Variants in MARK4 observed in about 807,000 individuals in gnomAD.
MARK4 encodes the protein MAP/microtubule affinity-regulating kinase 4.
Under a neutral mutation model 81.5 loss-of-function variants are expected in MARK4, and 19 were observed. That is an observed-to-expected ratio of 0.23 (90% CI 0.16 to 0.34). The LOEUF (loss-of-function observed/expected upper bound fraction) is 0.34, where lower values mean the gene tolerates loss of function less well. MARK4 is among the 10% of genes least tolerant of loss of function. MARK4 has a pLI of 1.00. For missense variants in MARK4, 772 were observed against 1,058.8 expected (o/e 0.73, Z 3.76); for synonymous variants, 436 against 439.0 (o/e 0.99, Z 0.08).
In MARK4 at chr19:45,266,270, A is replaced by T. The variant is rs1970451969; in HGVS notation, c.538A>T (p.Arg180Trp). The T allele has an allele frequency of 6.2e-7, 1 of 1,613,792 alleles. No individual in the cohort carries two copies. The highest frequency in any genetic ancestry group is 8.5e-7 in the Non-Finnish European group (1 of 1,179,770). Residue 180 changes from arginine to tryptophan, a missense_variant, in exon 7 of 17, where the codon AGG becomes TGG. By Grantham distance (101) the Arg-to-Trp change is moderately radical (BLOSUM62 -3). Around this residue, in one of 3 missense-constraint regions of MARK4, gnomAD observed 109 missense variants for 294.7 expected, o/e 0.37. Coordinates refer to ENST00000262891, the MANE Select transcript of MARK4 (RefSeq NM_001199867.2). ...HYCHQKNIVHRDLKAENLLLD... is the reference protein window; with the variant it reads ...HYCHQKNIVHWDLKAENLLLD... ...TTGTCACCAGAAAAATATTGTACAC[A>T]GGGACCTGAAGGTAAGCCCCCGACC...
chr19:45,273,722 T>C (rs35465470), intron 8 of MARK4, among the ~76,000 whole-genome samples: 31,147 of 152,214 alleles, frequency 0.2, 3,804 homozygotes, highest in Non-Finnish European at 0.29. Context: ...CGGGGGTGCA[T>C]TGGGGCAGGA....
At position 45,287,521 on chromosome 19, in the gene MARK4, C is replaced by A; in HGVS notation, c.1351C>A (p.Arg451=). The A allele has an allele frequency of 1.3e-6, 2 of 1,558,098 alleles. No individual in the cohort carries two copies. The highest frequency in any genetic ancestry group is 1.4e-5 in the African/African-American group (1 of 73,966). Residue 451 remains arginine (R), a synonymous_variant, in exon 13 of 17, where the codon CGG becomes AGG. Transcript: ENST00000262891. ...GGGGGAGGCGGAGCTGAAGGAGGAG[C>A]GGCTGCCAGGCCGGAAGGCGAGCTG... ...STGEAELKEE[R]LPGRKASCST...
chr19:45,301,397 C>G (rs1970969880), intron 16 of MARK4, among the ~76,000 whole-genome samples: 1 of 151,488 alleles, frequency 6.6e-6, no homozygotes, highest in South Asian at 2.1e-4. Context: ...GACTCCGTCT[C>G]TACTAAAAAT....
intron 12 of MARK4, 47 bp from the exon 13 acceptor site, chr19:45,287,400 T>G: frequency 7.7e-7 from 1 of 1,306,866 alleles, no homozygotes. Context: ...GAGTCAGTTC[T>G]GGGTTTCCGT....
At position 45,259,194 on chromosome 19, in the gene MARK4, G is replaced by GT. The variant is rs1482477912; in HGVS notation, c.252+6dup. On this transcript the variant is annotated splice_donor_region_variant and intron_variant, in intron 2 of 16. Transcript: ENST00000262891. ...CACATCCTCACTGGTCGGGAGGTGA[G>GT]TATGGGCACAGGGTGGGGCTCGGGG... 6.2e-7 allele frequency: 1 copy of GT among 1,613,742 alleles called. No homozygotes were observed.
Position 45,294,412 on chromosome 19 carries a change from G to T in MARK4, c.1558G>T (p.Ala520Ser), listed in dbSNP as rs778833911. 3.1e-6 allele frequency: 5 copies of T among 1,614,160 alleles called. No homozygotes were observed. In the East Asian group the frequency reaches 6.7e-5, roughly 22 times the overall value. ...NTYVCTERPGAERPSLLPNGK... is the reference protein window; with the variant it reads ...NTYVCTERPGSERPSLLPNGK... ...CTACGTTTGCACAGAACGCCCGGGGGCTGAGCGCCCGTCACTGTTGCCAAA... is the reference window on the plus strand; with the variant it reads ...CTACGTTTGCACAGAACGCCCGGGGTCTGAGCGCCCGTCACTGTTGCCAAA... Residue 520 changes from alanine to serine, a missense_variant, in exon 14 of 17, where the codon GCT (alanine) becomes TCT (serine). By Grantham distance (99) the Ala-to-Ser change is moderately conservative. Around this residue, in one of 3 missense-constraint regions of MARK4, gnomAD observed 548 missense variants for 624.3 expected, o/e 0.88. Coordinates refer to ENST00000262891, the MANE Select transcript of MARK4 (RefSeq NM_001199867.2).
At chr19:45,260,627 G>T (rs1970368867) in intron 2 of MARK4, among the ~76,000 whole-genome samples, 1 of 152,136 alleles carries the variant, frequency 6.6e-6, no homozygotes, top group African/African-American at 2.4e-5. Flanking sequence ...AACCCAGGAG[G>T]CGAAGGCCGC....
chr19:45,285,206 T>C (rs1245797615), intron 12 of MARK4, among the ~76,000 whole-genome samples: 1 of 132,754 alleles, frequency 7.5e-6, no homozygotes, highest in Non-Finnish European at 1.5e-5. Flanking sequence ...TTGCAATGAG[T>C]CCAGATCGTG....
chr19:45,280,317 T>C (rs1970654580), intron 10 of MARK4, 57 bp from the exon 11 acceptor site: 2 of 1,464,218 alleles, frequency 1.4e-6, no homozygotes, highest in Non-Finnish European at 1.9e-6. Context: ...AAAAGAGAAA[T>C]GGATGGAAGT....
At chr19:45,299,755 G>A (rs1021069758) in intron 15 of MARK4, 56 bp from the exon 16 acceptor site, 35 of 1,502,020 alleles carry the variant, frequency 2.3e-5, no homozygotes, top group Middle Eastern at 3.8e-4. Context: ...AGTGGGTTGC[G>A]GGAGGTGGGT....
rs560177223 is a variant in MARK4 at position 45,297,905 on chromosome 19, C to T, written c.1828C>T (p.Arg610Cys). 29 of 1,550,096 alleles carry T rather than the reference C, an allele frequency of 1.9e-5. No homozygotes were observed. The highest frequency in any genetic ancestry group is 1.1e-4 in the African/African-American group (8 of 73,122). ...EAAPLPAGRP[R>C]PTTNLFTKLT... ...TGCACCCCTGCCCGCCGGGCGGCCC[C>T]GCCCCACCACCAACCTCTTCACCAA... The change falls in exon 15 of 17, where the codon CGC becomes TGC. Residue 610 changes from arginine (R) to cysteine (C), a missense_variant. By Grantham distance (180) the Arg-to-Cys change is radical. Transcript: ENST00000262891.
intron 8 of MARK4, among the ~76,000 whole-genome samples, chr19:45,276,723 T>A (rs1165754373): frequency 6.6e-6 from 1 of 150,692 alleles, no homozygotes; most frequent in African/African-American, 2.4e-5. Flanking sequence ...CCTCCTGGGT[T>A]CAAGTGATTC....
intron 16 of MARK4, among the ~76,000 whole-genome samples, chr19:45,301,020 A>AG (rs1477999437): frequency 1.3e-5 from 2 of 152,128 alleles, no homozygotes; most frequent in Non-Finnish European, 2.9e-5. Flanking sequence ...TTTGTTGTGC[A>AG]GGGCCCTCTT....
chr19:45,291,521 G>A (rs1450200077), intron 13 of MARK4, among the ~76,000 whole-genome samples: 5 of 152,178 alleles, frequency 3.3e-5, no homozygotes, highest in South Asian at 2.1e-4. Context: ...GGTGGCTTAC[G>A]CCTGTAATCC....
Position 45,302,529 on chromosome 19 carries a change from C to T in MARK4, c.2078C>T (p.Pro693Leu), listed in dbSNP as rs1424123919. 2 of 1,600,720 alleles carry T rather than the reference C, an allele frequency of 1.2e-6. No homozygotes were observed. Among genetic ancestry groups the T allele is most frequent in the Non-Finnish European group, 1.7e-6 (2 of 1,178,596 alleles). ...AARCRCRQPQPFLLACLHGGA... is the reference protein window; with the variant it reads ...AARCRCRQPQLFLLACLHGGA... The stretch of plus-strand genomic sequence containing the variant: ...CGCTGCCGCTGCCGCCAGCCACAGC[C>T]GTTCCTGCTGGCCTGCCTGCACGGG... Residue 693 changes from proline (P) to leucine (L), a missense_variant, in exon 17 of 17, where the codon CCG (proline) becomes CTG (leucine). Physicochemically the swap from Pro to Leu is moderately conservative, Grantham distance 98. This residue lies in a region of MARK4 where 548 missense variants were observed against 624.3 expected (regional missense o/e 0.88). Transcript: ENST00000262891. This position sits in a 1 kb window ranked among gnomAD's most constrained non-coding sequence, Gnocchi z 4.9.
At chr19:45,279,773 G>A (rs1007091328) in intron 10 of MARK4, among the ~76,000 whole-genome samples, 4 of 152,178 alleles carry the variant, frequency 2.6e-5, no homozygotes, top group African/African-American at 9.7e-5. Context: ...AGAGACAGTT[G>A]TTGGGAATGT....
intron 2 of MARK4, among the ~76,000 whole-genome samples, chr19:45,261,305 C>T (rs1970377655): frequency 6.6e-6 from 1 of 152,102 alleles, no homozygotes; most frequent in Non-Finnish European, 1.5e-5. Flanking sequence ...AAATCTTATA[C>T]AAAATATTAA....
intron 12 of MARK4, among the ~76,000 whole-genome samples, chr19:45,282,095 T>C (rs997597965): frequency 1.3e-5 from 2 of 151,842 alleles, no homozygotes; most frequent in Admixed American, 6.6e-5. Context: ...TGTTGGTGCG[T>C]GCCTATAATC....
At chr19:45,280,283 C>CA in intron 10 of MARK4, 91 bp from the exon 11 acceptor site, 1 of 1,166,490 alleles carries the variant, frequency 8.6e-7, no homozygotes, top group Non-Finnish European at 1.3e-6. Context: ...GCCTGGGTGA[C>CA]AGAGTGACAC....
Sources: gnomAD v4.1 joint callset for allele counts (sites outside exome capture counted in the v4.1 genomes callset) on GRCh38, gnomAD v4.1.1 for gene constraint, gnomAD v4.1.1 regional missense constraint, Gnocchi (gnomAD v3.1) non-coding constraint, MANE v1.5 for transcripts, NCBI Gene and HGNC (gene_info 2026-07-23, HGNC 2026-07-21) for gene names.